The following FAF1 variants were observed in gnomAD, a reference collection of about 807,000 sequenced individuals.
The protein encoded by FAF1 is Fas associated factor 1, also known as FAS-associated factor 1.
FAF1 carries 25 observed loss-of-function variants against 92.5 expected under a neutral mutation model. The ratio of observed to expected loss-of-function variants is 0.27; its 90% CI spans 0.20 to 0.38. The LOEUF (loss-of-function observed/expected upper bound fraction) is 0.38, where lower values mean the gene tolerates loss of function less well. Among genes scored for constraint, FAF1 ranks in the 10% least tolerant of loss-of-function variants. FAF1 has a pLI of 1.00. For synonymous variants in FAF1, 234 were observed against 273.2 expected (o/e 0.86, Z 1.42); for missense variants, 636 against 793.3 (o/e 0.80, Z 2.38).
Position 50,441,323 on chromosome 1 carries a change from AG to A in FAF1, c.*116del, listed in dbSNP as rs929092008. 3.5e-6 allele frequency: 2 copies of A among 564,430 alleles called. No individual in the cohort carries two copies. The highest frequency in any genetic ancestry group is 6.3e-6 in the Non-Finnish European group (2 of 317,912). 35.0% of individuals were successfully genotyped at this position (564,430 alleles called of 1,614,324 possible). On this transcript the variant is annotated 3_prime_UTR_variant, in exon 19 of 19. Coordinates refer to ENST00000396153, the MANE Select transcript of FAF1 (RefSeq NM_007051.3). ...TTTTTCCAGCAATTTTGCAAGAGGC[AG>A]AAGTGTGACATTGAATTGAGTGAGA...
chr1:50,689,500 C>T (rs1433125662), intron 7 of FAF1, among the ~76,000 whole-genome samples: 1 of 152,140 alleles, frequency 6.6e-6, no homozygotes, highest in Non-Finnish European at 1.5e-5. Flanking sequence ...AAGAGAATGC[C>T]GTGGACCCGG....
chr1:50,778,276 G>A (rs926638048), intron 4 of FAF1, among the ~76,000 whole-genome samples: 1 of 152,178 alleles, frequency 6.6e-6, no homozygotes, highest in African/African-American at 2.4e-5. Flanking sequence ...TTGCTAGTAG[G>A]AGGAATGAGA....
At chr1:50,709,678 T>C (rs1210111174) in intron 6 of FAF1, among the ~76,000 whole-genome samples, 1 of 152,168 alleles carries the variant, frequency 6.6e-6, no homozygotes, top group East Asian at 1.9e-4. Context: ...AACCTGAGCA[T>C]CCTATCTCCC....
intron 8 of FAF1, among the ~76,000 whole-genome samples, chr1:50,637,681 A>ATATATGTGTGTGTGTGTG (rs1553123409): frequency 7.3e-6 from 1 of 137,098 alleles, no homozygotes; most frequent in African/African-American, 2.8e-5. Context: ...ACATATATAT[A>ATATATGTGTGTGTGTGTG]TGTGTGTGTG....
chr1:50,557,497 C>G (rs1649646672), intron 13 of FAF1, among the ~76,000 whole-genome samples: 1 of 152,204 alleles, frequency 6.6e-6, no homozygotes, highest in African/African-American at 2.4e-5. Context: ...CTCTCCAATT[C>G]CAGACTAACA....
chr1:50,727,402 G>A (rs1252176169), intron 6 of FAF1, among the ~76,000 whole-genome samples: 1 of 152,098 alleles, frequency 6.6e-6, no homozygotes, highest in East Asian at 1.9e-4. Context: ...ATATATATCT[G>A]GTCAATCAAA....
intron 8 of FAF1, among the ~76,000 whole-genome samples, chr1:50,617,944 T>C (rs535696828): frequency 2.0e-5 from 3 of 152,166 alleles, no homozygotes; most frequent in Non-Finnish European, 2.9e-5. Flanking sequence ...TTTGTGTGCA[T>C]AGAGTTGTTC....
intron 1 of FAF1, among the ~76,000 whole-genome samples, chr1:50,952,881 C>T (rs192838696): frequency 0.086 from 13,089 of 151,954 alleles, 532 homozygotes; most frequent in African/African-American, 0.099. Flanking sequence ...GCCGCCACCC[C>T]GTCTGGGAGG....
At chr1:50,635,804 C>T (rs1042797938) in intron 8 of FAF1, among the ~76,000 whole-genome samples, 12 of 152,172 alleles carry the variant, frequency 7.9e-5, no homozygotes, top group Middle Eastern at 3.4e-3. Context: ...CTTAGATTAG[C>T]GCAGAGGTAA....
chr1:50,579,053 A>G (rs1477856913), intron 12 of FAF1, among the ~76,000 whole-genome samples: 1 of 152,128 alleles, frequency 6.6e-6, no homozygotes, highest in African/African-American at 2.4e-5. Flanking sequence ...TAATTACATG[A>G]ACCAATAATT....
At chr1:50,604,011 G>C (rs1652265587) in intron 8 of FAF1, among the ~76,000 whole-genome samples, 1 of 152,196 alleles carries the variant, frequency 6.6e-6, no homozygotes, top group Non-Finnish European at 1.5e-5. Context: ...AACACCAACA[G>C]TTACAAGTTC....
intron 7 of FAF1, among the ~76,000 whole-genome samples, chr1:50,684,711 C>T (rs1424998560): frequency 2.0e-5 from 3 of 152,132 alleles, no homozygotes; most frequent in Non-Finnish European, 4.4e-5. Context: ...TAAGCTCGAG[C>T]ATTCAACTAA....
At chr1:50,608,048 C>T (rs1175091601) in intron 8 of FAF1, among the ~76,000 whole-genome samples, 1 of 152,216 alleles carries the variant, frequency 6.6e-6, no homozygotes, top group Non-Finnish European at 1.5e-5. Flanking sequence ...AGCAGGGCTC[C>T]CCCATAGGCA....
chr1:50,441,187 G>C lies in FAF1; in HGVS notation c.*253C>G. On this transcript the variant is annotated 3_prime_UTR_variant, in exon 19 of 19. Transcript: ENST00000396153. ...GAACAATGCATTCGTCATTGAAGGA[G>C]GGTGAAGTGCAGGGGGTAGGGGAGG... 1 of 392,840 alleles carries C rather than the reference G, an allele frequency of 2.5e-6. No homozygotes were observed. Among genetic ancestry groups the C allele is most frequent in the Non-Finnish European group, 4.6e-6 (1 of 219,578 alleles). 24.3% of individuals were successfully genotyped at this position (392,840 alleles called of 1,614,324 possible). A position where few individuals can be genotyped will look rare whatever the true frequency, so the allele number is the denominator to read the frequency against.
chr1:50,643,330 T>C (rs1654434111), intron 8 of FAF1, among the ~76,000 whole-genome samples: 1 of 152,082 alleles, frequency 6.6e-6, no homozygotes, highest in Non-Finnish European at 1.5e-5. Flanking sequence ...ACTTCCATTC[T>C]GGTTTTTTTT....
intron 7 of FAF1, among the ~76,000 whole-genome samples, chr1:50,692,640 T>A (rs1656991072): frequency 6.6e-6 from 1 of 152,230 alleles, no homozygotes; most frequent in Non-Finnish European, 1.5e-5. Flanking sequence ...AGTATTCTGT[T>A]GTATATATTC....
chr1:50,882,847 A>G (rs1279458110), intron 1 of FAF1, among the ~76,000 whole-genome samples: 1 of 151,814 alleles, frequency 6.6e-6, no homozygotes, highest in African/African-American at 2.4e-5. Flanking sequence ...TTAGCTGGGC[A>G]TGGTGGCAGG....
At chr1:50,942,747 GTTT>G in intron 1 of FAF1, among the ~76,000 whole-genome samples, 1 of 140,250 alleles carries the variant, frequency 7.1e-6, no homozygotes, top group Admixed American at 7.2e-5. Flanking sequence ...AGTTGTCGTT[GTTT>G]TTTTTTTTTT....
chr1:50,956,069 G>C (rs947611469), intron 1 of FAF1, among the ~76,000 whole-genome samples: 5 of 152,180 alleles, frequency 3.3e-5, no homozygotes, highest in Admixed American at 2.0e-4. Context: ...ATGGATGGCA[G>C]TGATAGTAAC....
Sources: gnomAD v4.1 joint callset for allele counts (sites outside exome capture counted in the v4.1 genomes callset) on GRCh38, gnomAD v4.1.1 for gene constraint, MANE v1.5 for transcripts, NCBI Gene and HGNC (gene_info 2026-07-23, HGNC 2026-07-21) for gene names.